LRP1B: variants seen among roughly 807,000 people sequenced by gnomAD.
The protein encoded by LRP1B is low-density lipoprotein receptor-related protein 1B.
In LRP1B, 217 loss-of-function variants were observed where a neutral mutation model predicts 556.6. The ratio of observed to expected loss-of-function variants is 0.39; its 90% CI spans 0.35 to 0.44. The LOEUF is 0.44. Among genes scored for constraint, LRP1B ranks in the 20% least tolerant of loss-of-function variants. The pLI is 1.00. For synonymous variants in LRP1B, 2,047 were observed against 1,865.8 expected, an observed-to-expected ratio of 1.10 and a Z score of -2.50; for missense variants, 5,053 against 5,620.8, an observed-to-expected ratio of 0.90 and a Z score of 3.23.
intron 3 of LRP1B, among the ~76,000 whole-genome samples, chr2:141,261,269 G>C (rs1684673165): frequency 6.6e-6 from 1 of 152,090 alleles, no homozygotes; most frequent in Admixed American, 6.6e-5. Flanking sequence ...CTACTTACTG[G>C]CCTCAAAGTT....
Position 141,722,525 on chromosome 2 carries a change from T to A in LRP1B, c.205+87754A>T, listed in dbSNP as rs142639617. On this transcript the variant is annotated intron_variant, in intron 2 of 90. Coordinates refer to ENST00000389484, the MANE Select transcript of LRP1B (RefSeq NM_018557.3). ...TGTGTCTGTGTTAATTTATTGGTGA[T>A]CTTTCCTATTTTCTATGTAGAATAA... 5.9e-3 allele frequency among the ~76,000 whole-genome samples: 901 copies of A among 152,284 alleles called. 27 individuals carry two copies. Among genetic ancestry groups the A allele is most frequent in the Admixed American group, 0.039 (598 of 15,298 alleles).
chr2:140,505,374 G>T (rs1179492673), intron 53 of LRP1B, among the ~76,000 whole-genome samples: 1 of 152,072 alleles, frequency 6.6e-6, no homozygotes, highest in Non-Finnish European at 1.5e-5. Context: ...ACGCTCTCTA[G>T]CATTACACAG....
chr2:141,274,675 A>G (rs1037249102), intron 3 of LRP1B, among the ~76,000 whole-genome samples: 1 of 152,184 alleles, frequency 6.6e-6, no homozygotes, highest in African/African-American at 2.4e-5. Context: ...TTAGATTTTC[A>G]TACTTCAGTT....
At chr2:141,278,416 T>C (rs1320908946) in intron 3 of LRP1B, among the ~76,000 whole-genome samples, 1 of 152,202 alleles carries the variant, frequency 6.6e-6, no homozygotes, top group African/African-American at 2.4e-5. Context: ...GCTTTGGATC[T>C]TGTTTGTACT....
chr2:140,898,624 C>T (rs1694016704), intron 23 of LRP1B: 2 of 364,358 alleles, frequency 5.5e-6, no homozygotes, highest in South Asian at 4.3e-5. Context: ...GAAGAACCTC[C>T]CCCTGAACAA....
rs533266007 is a variant in LRP1B at position 141,493,790 on chromosome 2, C to T, written c.206-13257G>A. Among the ~76,000 whole-genome samples the T allele has an allele frequency of 2.0e-5, 3 of 152,254 alleles. No individual in the cohort carries two copies. The South Asian group carries it at 6.2e-4, about 32-fold the overall frequency. ...TGTATCATGAACACCAGTTAAACTG[C>T]ATAGAGGAACTGTATTTGTCTGTTT... On this transcript the variant is annotated intron_variant, in intron 2 of 90. Transcript: ENST00000389484.
chr2:140,818,267 C>G lies in LRP1B; in HGVS notation c.5210-4461G>C, dbSNP rs562461001. ...TCTACACAGGTATAATAAATATAAT[C>G]AAAATCTTCTAAATATTCTTTTTCT... On this transcript the variant is annotated intron_variant, in intron 31 of 90. Coordinates refer to ENST00000389484, the MANE Select transcript of LRP1B (RefSeq NM_018557.3). Among the ~76,000 whole-genome samples the G allele has an allele frequency of 1.4e-3, 206 of 152,154 alleles. 7 individuals are homozygous for G. The highest frequency in any genetic ancestry group is 0.013 in the Admixed American group (205 of 15,278).
rs189098399 is a variant in LRP1B at position 140,760,852 on chromosome 2, G to A, written c.5758+8361C>T. ...TGCAGTGAGCTGAGATCACACCATCGCATTCCAGCCTGGGCGACACAGTGA... is the reference window on the plus strand; with the variant it reads ...TGCAGTGAGCTGAGATCACACCATCACATTCCAGCCTGGGCGACACAGTGA... On this transcript the variant is annotated intron_variant, in intron 35 of 90. Coordinates refer to ENST00000389484, the MANE Select transcript of LRP1B (RefSeq NM_018557.3). 1.1e-3 allele frequency among the ~76,000 whole-genome samples: 161 copies of A among 151,978 alleles called. 1 individual carries two copies. Among genetic ancestry groups the A allele is most frequent in the African/African-American group, 3.8e-3 (157 of 41,428 alleles).
intron 84 of LRP1B, among the ~76,000 whole-genome samples, chr2:140,291,821 A>G (rs1435073825): frequency 2.0e-5 from 3 of 152,144 alleles, no homozygotes. Flanking sequence ...TTGGGTATAT[A>G]CCCAGTAATG....
At chr2:140,994,389 A>ATGTGTGTGTG (rs3061707) in intron 15 of LRP1B, among the ~76,000 whole-genome samples, 5,470 of 147,114 alleles carry the variant, frequency 0.037, 197 homozygotes, top group East Asian at 0.11. Flanking sequence ...GTAGGTAAGG[A>ATGTGTGTGTG]TGTGTGTGTG....
intron 27 of LRP1B, among the ~76,000 whole-genome samples, chr2:140,858,769 G>A (rs1204753720): frequency 1.3e-5 from 2 of 151,722 alleles, no homozygotes; most frequent in Non-Finnish European, 2.9e-5. Flanking sequence ...AGTGTGTGTT[G>A]TTCCCCACCA....
chr2:141,032,833 A>ATATATATATATATATATATATATATATC (rs1698415664), intron 11 of LRP1B, among the ~76,000 whole-genome samples: 1 of 149,514 alleles, frequency 6.7e-6, no homozygotes, highest in Non-Finnish European at 1.5e-5. Flanking sequence ...ATACATATAT[A>ATATATATATATATATATATATATATATC]TATATATGCA....
At chr2:140,351,615 A>G (rs146973554) in intron 76 of LRP1B, among the ~76,000 whole-genome samples, 1 of 152,092 alleles carries the variant, frequency 6.6e-6, no homozygotes, top group Non-Finnish European at 1.5e-5. Flanking sequence ...ATTCTATTCT[A>G]AAGTTTTGAC....
At chr2:140,633,585 A>AT (rs1030133964) in intron 41 of LRP1B, among the ~76,000 whole-genome samples, 1 of 152,174 alleles carries the variant, frequency 6.6e-6, no homozygotes, top group African/African-American at 2.4e-5. Flanking sequence ...CAGTGGATTC[A>AT]TTTTTTTAAA....
At chr2:140,618,084 C>T (rs985115118) in intron 41 of LRP1B, among the ~76,000 whole-genome samples, 1 of 151,674 alleles carries the variant, frequency 6.6e-6, no homozygotes, top group African/African-American at 2.4e-5. Context: ...TTAAAATTTA[C>T]TATTCGGTTA....
intron 2 of LRP1B, among the ~76,000 whole-genome samples, chr2:141,753,608 C>T (rs1428560280): frequency 2.6e-5 from 4 of 151,920 alleles, no homozygotes; most frequent in Non-Finnish European, 5.9e-5. Context: ...CTATTTCCCT[C>T]TCTAGCCATT....
chr2:140,483,636 ATATATTTT>A lies in LRP1B; in HGVS notation c.9425+1699_9425+1706del, dbSNP rs1338556989. ...CACACATATATATATATATATATATATATATTTTTTTTTTTTTTTTTTGAGACACTGTC... is the reference window on the plus strand; with the variant it reads ...CACACATATATATATATATATATATATTTTTTTTTTTTTTGAGACACTGTC... On this transcript the variant is annotated intron_variant, in intron 59 of 90. Transcript: ENST00000389484. Among the ~76,000 whole-genome samples the A allele has an allele frequency of 1.1e-4, 8 of 72,344 alleles. No homozygotes were observed. The East Asian group carries it at 2.0e-3, about 18-fold the overall frequency. 47.5% of individuals were successfully genotyped at this position (72,344 alleles called of 152,430 possible).
At chr2:140,718,140 C>A (rs1250847798) in intron 35 of LRP1B, among the ~76,000 whole-genome samples, 3 of 151,924 alleles carry the variant, frequency 2.0e-5, no homozygotes, top group Non-Finnish European at 4.4e-5. Context: ...TCCTTTGTTT[C>A]TCTGCTTGTT....
At chr2:140,356,514 T>G in intron 74 of LRP1B, 38 bp from the exon 75 acceptor site, 1 of 1,461,156 alleles carries the variant, frequency 6.8e-7, no homozygotes, top group Admixed American at 2.0e-5. Context: ...AATATAATTC[T>G]AATTCCTGAA....
Sources: allele counts gnomAD v4.1 joint callset (sites outside exome capture counted in the v4.1 genomes callset), GRCh38; gene constraint gnomAD v4.1.1; transcripts MANE v1.5; gene names NCBI Gene and HGNC (gene_info 2026-07-23, HGNC 2026-07-21).